The following RIMS2 variants were observed in gnomAD, a reference collection of about 807,000 sequenced individuals.
RIMS2 encodes regulating synaptic membrane exocytosis protein 2.
A neutral mutation model predicts 174.4 loss-of-function variants in RIMS2; 59 were observed. That is an observed-to-expected ratio of 0.34 (90% CI 0.27 to 0.42). RIMS2 has a LOEUF of 0.42. RIMS2 is among the 10% of genes least tolerant of loss of function. The pLI, the probability that RIMS2 is intolerant of heterozygous loss-of-function variation, is 1.00. For missense variants in RIMS2, 1,620 were observed against 1,666.3 expected, an observed-to-expected ratio of 0.97 and a Z score of 0.48; for synonymous variants, 606 against 572.5, an observed-to-expected ratio of 1.06 and a Z score of -0.84.
chr8:103,673,415 G>A (rs1053682333), intron 1 of RIMS2, among the ~76,000 whole-genome samples: 60 of 152,302 alleles, frequency 3.9e-4, no homozygotes, highest in African/African-American at 1.2e-3. Context: ...AGGCTTCCGC[G>A]TGGACACTGT....
chr8:103,786,298 C>T (rs2098443165), intron 3 of RIMS2, among the ~76,000 whole-genome samples: 1 of 152,034 alleles, frequency 6.6e-6, no homozygotes. Flanking sequence ...TTAGTTATTT[C>T]TTGCCTTCTG....
chr8:103,587,594 T>C (rs1266453234), intron 1 of RIMS2, among the ~76,000 whole-genome samples: 3 of 152,076 alleles, frequency 2.0e-5, no homozygotes, highest in Non-Finnish European at 4.4e-5. Context: ...ATCCCTGGAA[T>C]GCAAGGATGG....
intron 19 of RIMS2, among the ~76,000 whole-genome samples, chr8:104,139,941 T>C (rs941561400): frequency 3.3e-5 from 5 of 152,172 alleles, no homozygotes; most frequent in African/African-American, 1.2e-4. Flanking sequence ...GTTCCTTCTA[T>C]ACCCAGTTTT....
chr8:103,864,195 AT>A (rs957978940), intron 3 of RIMS2, among the ~76,000 whole-genome samples: 12 of 146,016 alleles, frequency 8.2e-5, no homozygotes, highest in South Asian at 2.2e-4. Context: ...GTTCATCATT[AT>A]TTTTTTTTTC....
At chr8:103,948,767 A>G (rs2084474959) in intron 14 of RIMS2, among the ~76,000 whole-genome samples, 1 of 152,112 alleles carries the variant, frequency 6.6e-6, no homozygotes, top group South Asian at 2.1e-4. Flanking sequence ...AAATTTTAGA[A>G]TTTACTGAAA....
intron 2 of RIMS2, among the ~76,000 whole-genome samples, chr8:103,702,952 G>A (rs10108442): frequency 0.011 from 1,585 of 140,310 alleles, 33 homozygotes; most frequent in African/African-American, 0.038. Flanking sequence ...TTTCTGTTTC[G>A]TGAGGAATGT....
rs189889521 is a variant in RIMS2, at chr8:104,240,181, A to G, written c.3335-4735A>G. Among the ~76,000 whole-genome samples the G allele has an allele frequency of 5.3e-5, 8 of 152,348 alleles. 1 individual carries two copies. The East Asian group carries it at 1.5e-3, about 29-fold the overall frequency. Reference sequence around the variant, plus strand: ...GTGTGGTTCAGTTACGCCCATTCAGATAAGCACCCTATCTTTAGGTCAACT... The same window carrying G: ...GTGTGGTTCAGTTACGCCCATTCAGGTAAGCACCCTATCTTTAGGTCAACT... On this transcript the variant is annotated intron_variant, in intron 19 of 23. Transcript: ENST00000504942.
chr8:104,049,414 A>G, intron 19 of RIMS2, among the ~76,000 whole-genome samples: 1 of 152,250 alleles, frequency 6.6e-6, no homozygotes, highest in Non-Finnish European at 1.5e-5. Context: ...GACAGAGCGG[A>G]GACTCCATCT....
At chr8:103,611,477 T>G (rs2095364074) in intron 1 of RIMS2, among the ~76,000 whole-genome samples, 1 of 152,156 alleles carries the variant, frequency 6.6e-6, no homozygotes, top group Admixed American at 6.5e-5. Flanking sequence ...TTAGCATTTC[T>G]TATAGGATAG....
chr8:103,605,530 G>C (rs1269037767), intron 1 of RIMS2, among the ~76,000 whole-genome samples: 2 of 151,366 alleles, frequency 1.3e-5, no homozygotes, highest in Admixed American at 6.6e-5. Context: ...GAGTTAGGGA[G>C]GATTCCCTCT....
intron 19 of RIMS2, among the ~76,000 whole-genome samples, chr8:104,016,754 T>C (rs1228533737): frequency 6.6e-6 from 1 of 152,100 alleles, no homozygotes; most frequent in Non-Finnish European, 1.5e-5. Context: ...TTTAATGTTG[T>C]TCATAGCAAT....
rs553760112 is a variant in RIMS2, at chr8:103,797,193, C to T, written c.698+30656C>T. 5.3e-5 allele frequency among the ~76,000 whole-genome samples: 8 copies of T among 152,208 alleles called. No homozygotes were observed. In the South Asian group the frequency reaches 1.2e-3, roughly 24 times the overall value. On this transcript the variant is annotated intron_variant, in intron 3 of 23. Transcript: ENST00000504942. Reference sequence around the variant, plus strand: ...TAAATCTTACCTTTTTCTTCAAAGCCTAACTCAAGTATTCCTAGTTACTTG... The same window carrying T: ...TAAATCTTACCTTTTTCTTCAAAGCTTAACTCAAGTATTCCTAGTTACTTG...
chr8:103,961,081 T>G (rs1287301392), exon 15 of RIMS2: 1 of 1,493,674 alleles, frequency 6.7e-7, no homozygotes. Context: ...AGAGAATAAG[T>G]GATAGTGAAG....
intron 2 of RIMS2, among the ~76,000 whole-genome samples, chr8:103,759,742 C>T (rs1024516382): frequency 5.3e-5 from 8 of 152,068 alleles, no homozygotes; most frequent in African/African-American, 1.9e-4. Flanking sequence ...GCAGAATAGA[C>T]AGCTTTTGCC....
At chr8:104,238,023 A>G (rs1198211105) in intron 19 of RIMS2, among the ~76,000 whole-genome samples, 1 of 152,176 alleles carries the variant, frequency 6.6e-6, no homozygotes, top group African/African-American at 2.4e-5. Context: ...GGCACTATTT[A>G]CAATAGCAAA....
intron 1 of RIMS2, among the ~76,000 whole-genome samples, chr8:103,611,953 A>T (rs573893862): frequency 6.8e-6 from 1 of 147,982 alleles, no homozygotes; most frequent in Admixed American, 6.7e-5. Context: ...TTGTAGGCAT[A>T]CTTCATTGTT....
At chr8:103,538,423 AC>A (rs1199453049) in intron 1 of RIMS2, among the ~76,000 whole-genome samples, 4 of 151,984 alleles carry the variant, frequency 2.6e-5, no homozygotes, top group African/African-American at 9.7e-5. Context: ...AACCTGGTGC[AC>A]CCATCACCTA....
chr8:103,834,800 G>A lies in RIMS2; in HGVS notation c.699-50498G>A, dbSNP rs376473111. 8.1e-4 allele frequency among the ~76,000 whole-genome samples: 117 copies of A among 145,318 alleles called. No individual in the cohort carries two copies. The Middle Eastern group carries it at 0.018, about 22-fold the overall frequency. ...TCTTTCTTTCTTTCTTTCGAGACAG[G>A]GTCTCACTGTATCACTCAGACTGGA... On this transcript the variant is annotated intron_variant, in intron 3 of 23. Coordinates refer to ENST00000504942, the Ensembl canonical transcript of RIMS2.
intron 1 of RIMS2, among the ~76,000 whole-genome samples, chr8:103,661,266 T>A (rs980064110): frequency 6.6e-6 from 1 of 152,240 alleles, no homozygotes; most frequent in Non-Finnish European, 1.5e-5. Context: ...ATTTTATTGA[T>A]CAGTTTTACT....
Sources: allele counts gnomAD v4.1 joint callset (sites outside exome capture counted in the v4.1 genomes callset), GRCh38; gene constraint gnomAD v4.1.1; transcripts MANE v1.5; gene names NCBI Gene and HGNC (gene_info 2026-07-23, HGNC 2026-07-21).